Variants in ELAC2 observed in about 807,000 individuals in gnomAD.
ELAC2 encodes the protein zinc phosphodiesterase ELAC protein 2.
In ELAC2, 92 loss-of-function variants were observed where a neutral mutation model predicts 105.2. The ratio of observed to expected loss-of-function variants is 0.87; its 90% CI spans 0.74 to 1.04. The LOEUF (loss-of-function observed/expected upper bound fraction) is 1.04. Among genes scored for constraint, ELAC2 ranks in the 50% least tolerant of loss-of-function variants. The pLI, the probability that ELAC2 is intolerant of heterozygous loss-of-function variation, is 0.00. For missense variants in ELAC2, 1,099 were observed against 1,071.7 expected (o/e 1.03, Z -0.36); for synonymous variants, 468 against 409.1 (o/e 1.14, Z -1.74).
intron 8 of ELAC2, among the ~76,000 whole-genome samples, chr17:13,008,304 G>C (rs575002895): frequency 2.0e-5 from 3 of 151,786 alleles, no homozygotes; most frequent in Admixed American, 1.3e-4. Flanking sequence ...GAAATCAAGA[G>C]ATCCAGACCA....
chr17:13,006,888 G>A (rs1357209012), intron 8 of ELAC2, among the ~76,000 whole-genome samples: 3 of 152,110 alleles, frequency 2.0e-5, no homozygotes, highest in Admixed American at 6.6e-5. Context: ...TTGGGAAGCC[G>A]AGGCGGGTAG....
chr17:12,993,666 C>CT (rs2040318675), intron 23 of ELAC2, 21 bp downstream of exon 23: 1 of 1,614,076 alleles, frequency 6.2e-7, no homozygotes, highest in Non-Finnish European at 8.5e-7. Flanking sequence ...CCGCCCTGTG[C>CT]TGTCCGTGTG....
intron 23 of ELAC2, among the ~76,000 whole-genome samples, chr17:12,993,391 C>T (rs550120224): frequency 1.3e-5 from 2 of 152,336 alleles, no homozygotes; most frequent in East Asian, 1.9e-4. Flanking sequence ...GAGGCAACCA[C>T]CTGTCTCACA....
intron 11 of ELAC2, chr17:13,003,779 T>C (rs2040959779): frequency 1.7e-6 from 1 of 593,720 alleles, no homozygotes. Flanking sequence ...GGGATTCCTG[T>C]ATCTGGCAAG....
chr17:13,011,766 T>C lies in ELAC2; in HGVS notation c.576A>G (p.Gly192=), dbSNP rs1410606129. 6.2e-7 allele frequency: 1 copy of C among 1,614,156 alleles called. No individual in the cohort carries two copies. Among genetic ancestry groups the C allele is most frequent in the Admixed American group, 1.7e-5 (1 of 60,004 alleles). Residue 192 remains glycine (G), a synonymous_variant, in exon 7 of 24, where the codon GGA becomes GGG. Transcript: ENST00000338034. The part of the protein sequence containing the change: ...QIPIHSEQRR[G]KHQPWQSPER... The stretch of plus-strand genomic sequence containing the variant: ...CTGGACTCTGCCATGGTTGGTGCTT[T>C]CCCCTCCTCTGTTCACCTGGTCAGT...
At chr17:13,004,513 A>G (rs1296836361) in intron 11 of ELAC2, among the ~76,000 whole-genome samples, 1 of 152,240 alleles carries the variant, frequency 6.6e-6, no homozygotes, top group Non-Finnish European at 1.5e-5. Flanking sequence ...ACTTCGATAG[A>G]GGACAACAAC....
In ELAC2 at chr17:13,013,068, T is replaced by C; in HGVS notation, c.559+139A>G. 4.3e-6 allele frequency: 4 copies of C among 938,470 alleles called. No individual in the cohort carries two copies. The Admixed American group carries it at 6.0e-5, about 14-fold the overall frequency. 58.1% of individuals were successfully genotyped at this position (938,470 alleles called of 1,614,324 possible). A position where few individuals can be genotyped will look rare whatever the true frequency, so the allele number is the denominator to read the frequency against. ...AGCCAGGGCAGGAGCCATATCTTCA[T>C]TCCTCAACTAAATTTTCTAATCATG... On this transcript the variant is annotated intron_variant, in intron 6 of 23. Coordinates refer to ENST00000338034, the MANE Select transcript of ELAC2 (RefSeq NM_018127.7).
At chr17:13,012,578 C>G (rs1168016899) in intron 6 of ELAC2, among the ~76,000 whole-genome samples, 1 of 152,224 alleles carries the variant, frequency 6.6e-6, no homozygotes, top group Non-Finnish European at 1.5e-5. Flanking sequence ...CTGGACTTCT[C>G]TGGCCTTTGC....
At chr17:13,005,671 G>T in intron 10 of ELAC2, 82 bp downstream of exon 10, 1 of 1,437,402 alleles carries the variant, frequency 7.0e-7, no homozygotes, top group Non-Finnish European at 9.8e-7. Context: ...AGTGGTGTCT[G>T]TAGGGCCTGA....
chr17:12,996,793 G>T, intron 16 of ELAC2, 108 bp from the exon 17 acceptor site: 1 of 1,467,868 alleles, frequency 6.8e-7, no homozygotes. Flanking sequence ...AGAAATTTCT[G>T]TCTCTCCTGC....
rs920039553 is a variant in ELAC2 at position 12,995,969 on chromosome 17, T to C, written c.1669A>G (p.Ser557Gly). The change falls in exon 18 of 24, where the codon AGT becomes GGT. Residue 557 changes from serine to glycine, a missense_variant. Physicochemically the swap from Ser to Gly is moderately conservative, Grantham distance 56. Transcript: ENST00000338034. ...GCGCGTTCTCTCTGCAGCAAGATAC[T>C]TGGCAAGCCCTGGCAAGGAAACAGG... is the stretch of plus-strand genomic sequence containing the variant. ...LHADHHTGLP[S>G]ILLQRERALA... 1.9e-6 allele frequency: 3 copies of C among 1,596,186 alleles called. No individual in the cohort carries two copies. Among genetic ancestry groups the C allele is most frequent in the African/African-American group, 1.3e-5 (1 of 74,604 alleles).
rs1471680571 is a variant in ELAC2, at chr17:13,017,995, G to A, written c.-48C>T. 3.3e-6 allele frequency: 5 copies of A among 1,533,684 alleles called. No homozygotes were observed. In the Admixed American group the frequency reaches 7.9e-5, roughly 24 times the overall value. On this transcript the variant is annotated 5_prime_UTR_variant, in exon 1 of 24. Coordinates refer to ENST00000338034, the MANE Select transcript of ELAC2 (RefSeq NM_018127.7). The stretch of plus-strand genomic sequence containing the variant: ...AGAAAGCCGCCGGTCACCTACGCCC[G>A]CGTTTCCCGTGCACCACCTAGCCGC...
intron 21 of ELAC2, 78 bp downstream of exon 21, chr17:12,994,686 G>C: frequency 6.2e-7 from 1 of 1,611,474 alleles, no homozygotes. Context: ...ACGTTTCCCT[G>C]CAAGCCCACC....
intron 5 of ELAC2, among the ~76,000 whole-genome samples, chr17:13,013,900 G>A (rs2041571796): frequency 6.6e-6 from 1 of 152,184 alleles, no homozygotes; most frequent in Admixed American, 6.5e-5. Flanking sequence ...CCTGCCGTCT[G>A]GATGGAGAAT....
chr17:12,994,332 CCCA>C (rs1241838715), intron 22 of ELAC2, 90 bp downstream of exon 22: 1 of 1,392,576 alleles, frequency 7.2e-7, no homozygotes, highest in Non-Finnish European at 1.0e-6. Flanking sequence ...GCAGGGCAGC[CCCA>C]CATCAGTGGA....
At position 12,992,433 on chromosome 17, in the gene ELAC2, T is replaced by C. The variant is rs1234437805; in HGVS notation, c.*385A>G. 9 of 379,704 alleles carry C rather than the reference T, an allele frequency of 2.4e-5. No homozygotes were observed. Among genetic ancestry groups the C allele is most frequent in the Non-Finnish European group, 4.4e-5 (9 of 204,862 alleles). The allele number at this position is 379,704 out of a possible 1,614,324, so 23.5% of individuals were successfully genotyped here. On this transcript the variant is annotated 3_prime_UTR_variant, in exon 24 of 24. Transcript: ENST00000338034. ...ATTGCAGCTGAAATACTATTTTCGT[T>C]AAGTCTCGGACACTTAGACCCACTG...
intron 1 of ELAC2, 182 bp downstream of exon 1, chr17:13,017,521 C>G (rs956313143): frequency 7.9e-7 from 1 of 1,260,914 alleles, no homozygotes. Flanking sequence ...CTTCACAGAT[C>G]CGCAGAAATC....
Position 12,993,696 on chromosome 17 carries a change from G to GTC in ELAC2, c.2242_2243dup (p.Asp748GlufsTer4). The GTC allele has an allele frequency of 1.2e-6, 2 of 1,614,174 alleles. No individual in the cohort carries two copies. Among genetic ancestry groups the GTC allele is most frequent in the Non-Finnish European group, 1.7e-6 (2 of 1,180,036 alleles). ...CGTGTGACATACAGACCTTCATGTG[G>GTC]TCAAAGGCAACTCCCACTTTCTCGC... On this transcript the variant is annotated frameshift_variant, in exon 23 of 24. Transcript: ENST00000338034. LOFTEE classifies it low-confidence loss of function (END_TRUNC).
At chr17:12,999,425 G>T (rs1187160447) in intron 15 of ELAC2, among the ~76,000 whole-genome samples, 2 of 152,190 alleles carry the variant, frequency 1.3e-5, no homozygotes. Context: ...CAAATCCAGG[G>T]AGACCCGATG....
Sources: allele counts gnomAD v4.1 joint callset (sites outside exome capture counted in the v4.1 genomes callset), GRCh38; gene constraint gnomAD v4.1.1; transcripts MANE v1.5; gene names NCBI Gene and HGNC (gene_info 2026-07-23, HGNC 2026-07-21).